FANCA: variants seen among roughly 807,000 people sequenced by gnomAD.
FANCA encodes the protein FA complementation group A.
A neutral mutation model predicts 194.3 loss-of-function variants in FANCA; 236 were observed. The ratio of observed to expected loss-of-function variants is 1.21; its 90% CI spans 1.09 to 1.35. The LOEUF is 1.35. FANCA is among the 40% of genes most tolerant of loss of function. The pLI, the probability that FANCA is intolerant of heterozygous loss-of-function variation, is 0.00. For synonymous variants in FANCA, 1,014 were observed against 715.8 expected (o/e 1.42, Z -6.65); for missense variants, 2,628 against 1,813.9 (o/e 1.45, Z -8.15).
chr16:89,765,048 T>C lies in FANCA; in HGVS notation c.2620A>G (p.Arg874Gly), dbSNP rs1413802489. The part of the protein sequence containing the change: ...LIKKFQFLMF[R>G]LFSEARQPLS... Reference sequence around the variant, plus strand: ...GGCTGTCGGGCCTCTGAGAACAATCTGAACATGAGGAACTGAAACTGAAAC... The same window carrying C: ...GGCTGTCGGGCCTCTGAGAACAATCCGAACATGAGGAACTGAAACTGAAAC... The change falls in exon 28 of 43, where the codon AGA becomes GGA. Residue 874 changes from arginine (R) to glycine (G), a missense_variant. Arg to Gly is a moderately radical substitution (Grantham distance 125, BLOSUM62 -2). Coordinates refer to ENST00000389301, the MANE Select transcript of FANCA (RefSeq NM_000135.4). 3 of 1,614,218 alleles carry C rather than the reference T, an allele frequency of 1.9e-6. No homozygotes were observed. The highest frequency in any genetic ancestry group is 1.7e-6 in the Non-Finnish European group (2 of 1,180,026).
rs1434350499 is a variant in FANCA, at chr16:89,737,965, C to G, written c.*636G>C. 1.2e-6 allele frequency: 2 copies of G among 1,614,012 alleles called. No individual in the cohort carries two copies. The highest frequency in any genetic ancestry group is 2.2e-5 in the East Asian group (1 of 44,892). ...GGCCCTCGCACCTTCTTATCTGCCTCTGTCCCCCAGGTGTGAGGTCTGTGG... is the reference window on the plus strand; with the variant it reads ...GGCCCTCGCACCTTCTTATCTGCCTGTGTCCCCCAGGTGTGAGGTCTGTGG... On this transcript the variant is annotated 3_prime_UTR_variant, in exon 43 of 43. Transcript: ENST00000389301.
At position 89,779,991 on chromosome 16, in the gene FANCA, C is replaced by G. The variant is rs563443410; in HGVS notation, c.1627-34G>C. 41 of 1,591,388 alleles carry G rather than the reference C, an allele frequency of 2.6e-5. No individual in the cohort carries two copies. In the South Asian group the frequency reaches 4.1e-4, roughly 16 times the overall value. On this transcript the variant is annotated intron_variant, in intron 17 of 42. Coordinates refer to ENST00000389301, the MANE Select transcript of FANCA (RefSeq NM_000135.4). ...CATACAGGGAGGAAAGGAAAAAGAA[C>G]AGAGGACTTTAAAGAAAAGACTGAG...
chr16:89,799,214 G>C lies in FANCA; in HGVS notation c.845C>G (p.Ala282Gly). 1 of 1,614,078 alleles carries C rather than the reference G, an allele frequency of 6.2e-7. No homozygotes were observed. The highest frequency in any genetic ancestry group is 8.5e-7 in the Non-Finnish European group (1 of 1,180,044). ...GGAGGACTCCTCCTGTACTCCAGCA[G>C]CCAAAGCGTCAAGTGCAACTGAAGA... ...RMLIFALDAL[A>G]AGVQEESSTH... is the part of the protein sequence containing the mutation. Residue 282 changes from alanine to glycine, a missense_variant, in exon 10 of 43, where the codon GCT becomes GGT. By Grantham distance (60) the Ala-to-Gly change is moderately conservative (BLOSUM62 0). Transcript: ENST00000389301.
intron 17 of FANCA, 27 bp downstream of exon 17, chr16:89,782,832 G>T: frequency 3.1e-6 from 5 of 1,599,486 alleles, no homozygotes; most frequent in Non-Finnish European, 4.3e-6. Context: ...GACTGGCTGA[G>T]ACCCTGCAGG....
intron 28 of FANCA, among the ~76,000 whole-genome samples, chr16:89,762,970 G>A (rs181105394): frequency 3.0e-4 from 45 of 151,012 alleles, no homozygotes; most frequent in East Asian, 7.8e-4. Flanking sequence ...AAAAAGGGTT[G>A]GGCGTGGTGG....
intron 30 of FANCA, among the ~76,000 whole-genome samples, chr16:89,753,237 G>A (rs921053079): frequency 1.7e-4 from 26 of 152,174 alleles, no homozygotes; most frequent in Non-Finnish European, 2.2e-4. Flanking sequence ...CCTATCATTG[G>A]AGGTGACTCA....
chr16:89,748,806 G>A (rs760626871), intron 32 of FANCA, 39 bp from the exon 33 acceptor site: 12 of 1,534,932 alleles, frequency 7.8e-6, no homozygotes, highest in South Asian at 4.5e-5. Flanking sequence ...ACAGCACAGC[G>A]TACACTCTGC....
intron 42 of FANCA, 29 bp from the exon 43 acceptor site, chr16:89,738,737 A>C (rs770282073): frequency 1.9e-6 from 3 of 1,613,234 alleles, no homozygotes; most frequent in Non-Finnish European, 2.5e-6. Context: ...TCCTCAGCCC[A>C]TGCCGCCCAC....
intron 1 of FANCA, chr16:89,816,255 C>G (rs544354549): frequency 2.2e-6 from 1 of 448,292 alleles, no homozygotes; most frequent in South Asian, 2.1e-5. Context: ...AGCCCCAGGC[C>G]GCGCACCCCA....
At position 89,795,927 on chromosome 16, in the gene FANCA, T is replaced by A. The variant is rs1190186561; in HGVS notation, c.985A>T (p.Thr329Ser). ...FFSHTLTQIL[T>S]HSPVLKASDA... ...CTACCTTTCAGCACAGGGCTGTGAG[T>A]GAGTATCTGAGTCAGGGTATGACTG... The change falls in exon 11 of 43, where the codon ACT becomes TCT. Residue 329 changes from threonine (T) to serine (S), a missense_variant. Physicochemically the swap from Thr to Ser is moderately conservative, Grantham distance 58. Transcript: ENST00000389301. 1 of 1,612,076 alleles carries A rather than the reference T, an allele frequency of 6.2e-7. No homozygotes were observed. The highest frequency in any genetic ancestry group is 8.5e-7 in the Non-Finnish European group (1 of 1,178,286).
chr16:89,770,058 C>T (rs2143334320), intron 25 of FANCA, 34 bp from the exon 26 acceptor site: 6 of 1,605,294 alleles, frequency 3.7e-6, no homozygotes, highest in Non-Finnish European at 5.1e-6. Flanking sequence ...GAGCAGACTG[C>T]CCTCTTCCAA....
At position 89,738,684 on chromosome 16, in the gene FANCA, C is replaced by G. The variant is rs748856769; in HGVS notation, c.4285G>C (p.Asp1429His). 4.3e-6 allele frequency: 7 copies of G among 1,613,796 alleles called. No homozygotes were observed. The highest frequency in any genetic ancestry group is 1.3e-5 in the African/African-American group (1 of 74,934). Residue 1429 changes from aspartate (D) to histidine (H), a missense_variant, in exon 43 of 43, where the codon GAC (aspartate) becomes CAC (histidine). Physicochemically the swap from Asp to His is moderately conservative, Grantham distance 81. Coordinates refer to ENST00000389301, the MANE Select transcript of FANCA (RefSeq NM_000135.4). Reference protein sequence around the residue: ...AELLADRGDCDPEVSAALQSR... With the variant: ...AELLADRGDCHPEVSAALQSR... ...TGGAGGGCGGCGCTCACCTCTGGGT[C>G]GCAGTCCCCACGATCAGCCAGCAGC... is the stretch of plus-strand genomic sequence containing the variant.
At chr16:89,758,857 CCTCA>C (rs1598091872) in intron 29 of FANCA, 152 bp from the exon 30 acceptor site, 1 of 1,172,442 alleles carries the variant, frequency 8.5e-7, no homozygotes, top group South Asian at 1.3e-5. Context: ...AGGGATGAGA[CCTCA>C]CTGTCTGCAG....
chr16:89,792,591 A>T, intron 11 of FANCA, 44 bp from the exon 12 acceptor site: 1 of 1,565,214 alleles, frequency 6.4e-7, no homozygotes, highest in Non-Finnish European at 8.6e-7. Context: ...CAGAGATCAA[A>T]AAGTTGTGGG....
chr16:89,816,367 G>A (rs2041125661), intron 1 of FANCA, 170 bp downstream of exon 1: 2 of 395,752 alleles, frequency 5.1e-6, no homozygotes, highest in Non-Finnish European at 8.2e-6. Context: ...GGAGGGGCCG[G>A]GTCCGAGGCA....
chr16:89,792,102 A>T, intron 12 of FANCA, 34 bp from the exon 13 acceptor site: 2 of 1,613,938 alleles, frequency 1.2e-6, no homozygotes, highest in Non-Finnish European at 1.7e-6. Context: ...TTCAATATCC[A>T]AGCAAACCAA....
chr16:89,757,745 C>G (rs1195954508), intron 30 of FANCA, among the ~76,000 whole-genome samples: 2 of 152,244 alleles, frequency 1.3e-5, no homozygotes, highest in East Asian at 3.8e-4. Context: ...ACCTCAGGAA[C>G]TGCTCTGTCC....
At position 89,739,458 on chromosome 16, in the gene FANCA, A is replaced by C. The variant is rs2151712605; in HGVS notation, c.4010+20T>G. On this transcript the variant is annotated intron_variant, in intron 40 of 42. Transcript: ENST00000389301. The stretch of plus-strand genomic sequence containing the variant: ...TGGGAAACACTGCCCAGCCCTGACC[A>C]GCCCTGTGGGTGGAGGTACCTGTAA... The C allele has an allele frequency of 6.4e-7, 1 of 1,552,142 alleles. No homozygotes were observed. Among genetic ancestry groups the C allele is most frequent in the Non-Finnish European group, 8.7e-7 (1 of 1,147,846 alleles).
intron 36 of FANCA, 85 bp from the exon 37 acceptor site, chr16:89,743,023 A>T: frequency 1.3e-6 from 2 of 1,495,020 alleles, no homozygotes; most frequent in Non-Finnish European, 1.8e-6. Context: ...CCCACCTGTC[A>T]CCTTTGGGGC....
Sources: allele counts gnomAD v4.1 joint callset (sites outside exome capture counted in the v4.1 genomes callset), GRCh38; gene constraint gnomAD v4.1.1; transcripts MANE v1.5; gene names NCBI Gene and HGNC (gene_info 2026-07-23, HGNC 2026-07-21).